PCDHA6: variants seen among roughly 807,000 people sequenced by gnomAD.
The protein encoded by PCDHA6 is protocadherin alpha-6.
A neutral mutation model predicts 60.3 loss-of-function variants in PCDHA6; 55 were observed. The ratio of observed to expected loss-of-function variants is 0.91; its 90% CI spans 0.73 to 1.14. The LOEUF is 1.14. Among genes scored for constraint, PCDHA6 ranks in the 50% most tolerant of loss-of-function variants. PCDHA6 has a pLI of 0.00. For missense variants in PCDHA6, 1,327 were observed against 1,256.5 expected (o/e 1.06, Z -0.85); for synonymous variants, 652 against 557.9 (o/e 1.17, Z -2.38).
At chr5:140,925,643 T>TAATAATAATAAG (rs1195362666) in intron 1 of PCDHA6, among the ~76,000 whole-genome samples, 1 of 99,548 alleles carries the variant, frequency 1.0e-5, no homozygotes, top group Non-Finnish European at 2.0e-5. Context: ...ACTTAAAGTA[T>TAATAATAATAAG]AATAATAATA....
chr5:140,883,302 A>T (rs1177736093), intron 1 of PCDHA6: 1 of 1,613,992 alleles, frequency 6.2e-7, no homozygotes, highest in African/African-American at 1.3e-5. Context: ...GATGTAAATG[A>T]TAACGCCCCA....
chr5:140,966,355 G>C (rs2095993623), intron 1 of PCDHA6: 1 of 400,198 alleles, frequency 2.5e-6, no homozygotes, highest in Non-Finnish European at 4.4e-6. Context: ...AGGAGATGGG[G>C]CTGGAGAGGC....
chr5:140,950,087 T>G (rs1433717313), intron 1 of PCDHA6, among the ~76,000 whole-genome samples: 3 of 151,938 alleles, frequency 2.0e-5, no homozygotes, highest in Admixed American at 6.6e-5. Flanking sequence ...ATGCTATAGT[T>G]TTCATTTGTA....
intron 1 of PCDHA6, chr5:140,857,451 C>T (rs782451627): frequency 1.3e-6 from 2 of 1,598,488 alleles, no homozygotes; most frequent in Non-Finnish European, 1.7e-6. Flanking sequence ...GAGAACAACC[C>T]GCCAGGCTGC....
intron 1 of PCDHA6, among the ~76,000 whole-genome samples, chr5:140,915,915 T>C (rs782614078): frequency 1.3e-5 from 2 of 152,158 alleles, no homozygotes; most frequent in Non-Finnish European, 2.9e-5. Context: ...GGCCCAGAGA[T>C]GCTACTTGGG....
At chr5:140,964,173 C>A (rs1052958313) in intron 1 of PCDHA6, among the ~76,000 whole-genome samples, 5 of 152,174 alleles carry the variant, frequency 3.3e-5, no homozygotes, top group Non-Finnish European at 7.4e-5. Context: ...GGAACGAAAT[C>A]ATTATAGTGC....
chr5:141,009,563 C>A, intron 3 of PCDHA6, 64 bp from the exon 4 acceptor site: 1 of 1,571,920 alleles, frequency 6.4e-7, no homozygotes, highest in Non-Finnish European at 8.6e-7. Flanking sequence ...TGTACTCTAC[C>A]AGCAGTGTGG....
rs155802 is a variant in PCDHA6, at chr5:140,917,330, A to C, written c.2395-61619A>C. 5.0e-3 allele frequency among the ~76,000 whole-genome samples: 514 copies of C among 103,230 alleles called. 31 individuals carry two copies. The highest frequency in any genetic ancestry group is 8.4e-3 in the Non-Finnish European group (403 of 48,222). The allele number at this position is 103,230 out of a possible 152,430, so 67.7% of individuals were successfully genotyped here. A position where few individuals can be genotyped will look rare whatever the true frequency, so the allele number is the denominator to read the frequency against. On this transcript the variant is annotated intron_variant, in intron 1 of 3. Coordinates refer to ENST00000529310, the MANE Select transcript of PCDHA6 (RefSeq NM_018909.4). ...CAATTTGGTGTTCATGTGGCGGGGG[A>C]GGGGGGGGATGGTGTAGGCTTCTGT...
At chr5:140,898,015 T>C (rs376663063) in intron 1 of PCDHA6, among the ~76,000 whole-genome samples, 3 of 152,154 alleles carry the variant, frequency 2.0e-5, no homozygotes, top group Non-Finnish European at 4.4e-5. Context: ...TCATATCCTT[T>C]GCCCACTTTT....
At chr5:140,942,260 T>TA (rs2093256424) in intron 1 of PCDHA6, among the ~76,000 whole-genome samples, 1 of 152,086 alleles carries the variant, frequency 6.6e-6, no homozygotes, top group African/African-American at 2.4e-5. Flanking sequence ...AAAAGATATC[T>TA]AAAGCTGGTA....
chr5:140,967,052 A>C (rs1554229118), intron 1 of PCDHA6: 1 of 1,612,532 alleles, frequency 6.2e-7, no homozygotes, highest in Non-Finnish European at 8.5e-7. Context: ...GGACCTGACG[A>C]GTGGAGCGCT....
intron 1 of PCDHA6, chr5:140,853,583 T>G: frequency 1.0e-6 from 1 of 985,318 alleles, no homozygotes; most frequent in Non-Finnish European, 1.2e-6. Context: ...CCCAATATCT[T>G]AGACACTTTG....
chr5:140,851,517 A>T, intron 1 of PCDHA6: 3 of 904,862 alleles, frequency 3.3e-6, no homozygotes, highest in Non-Finnish European at 4.0e-6. Context: ...AATATGTTTT[A>T]AAATGCCTGA....
intron 1 of PCDHA6, chr5:140,848,835 C>T: frequency 6.3e-7 from 1 of 1,590,448 alleles, no homozygotes; most frequent in African/African-American, 1.4e-5. Context: ...AGACAGGCCG[C>T]TGCAGGTTTT....
chr5:140,966,918 A>T, intron 1 of PCDHA6: 1 of 1,602,744 alleles, frequency 6.2e-7, no homozygotes. Flanking sequence ...GTGCCAGAGG[A>T]GCAGGCACCC....
intron 1 of PCDHA6, among the ~76,000 whole-genome samples, chr5:140,947,307 T>C (rs1329729103): frequency 6.6e-6 from 1 of 151,660 alleles, no homozygotes; most frequent in African/African-American, 2.4e-5. Context: ...GACATCTTTG[T>C]AAAAAGTCGG....
chr5:140,992,463 C>T (rs1416840803), intron 3 of PCDHA6, among the ~76,000 whole-genome samples: 1 of 152,162 alleles, frequency 6.6e-6, no homozygotes, highest in Non-Finnish European at 1.5e-5. Flanking sequence ...GAGGACAGTA[C>T]TCTTTAGATC....
intron 1 of PCDHA6, among the ~76,000 whole-genome samples, chr5:140,978,377 G>GT (rs1554239246): frequency 6.6e-6 from 1 of 152,212 alleles, no homozygotes; most frequent in Non-Finnish European, 1.5e-5. Context: ...GCAATAGTTT[G>GT]TTTTCCTCTC....
At chr5:140,857,673 C>T (rs372854727) in intron 1 of PCDHA6, 3 of 1,596,826 alleles carry the variant, frequency 1.9e-6, no homozygotes, top group Non-Finnish European at 2.6e-6. Context: ...GGGGGCGTGC[C>T]GCCTCTGGGC....
Sources: gnomAD v4.1 joint callset for allele counts (sites outside exome capture counted in the v4.1 genomes callset) on GRCh38, gnomAD v4.1.1 for gene constraint, MANE v1.5 for transcripts, NCBI Gene and HGNC (gene_info 2026-07-23, HGNC 2026-07-21) for gene names.